Variants in STXBP6 observed in about 807,000 individuals in gnomAD.
The protein encoded by STXBP6 is syntaxin-binding protein 6.
In STXBP6, 21 loss-of-function variants were observed where a neutral mutation model predicts 26.9. The ratio of observed to expected loss-of-function variants is 0.78; its 90% CI spans 0.55 to 1.12. STXBP6 has a LOEUF of 1.12. STXBP6 is among the 50% of genes most tolerant of loss of function. STXBP6 has a pLI of 0.00. For missense variants in STXBP6, 232 were observed against 257.9 expected (o/e 0.90, Z 0.69); for synonymous variants, 97 against 92.6 (o/e 1.05, Z -0.27).
intron 2 of STXBP6, among the ~76,000 whole-genome samples, chr14:24,956,482 C>G (rs1377649378): frequency 6.6e-6 from 1 of 152,118 alleles, no homozygotes; most frequent in Non-Finnish European, 1.5e-5. Flanking sequence ...AACTGGTTTT[C>G]AGAAGTTTCT....
chr14:24,922,172 CT>C (rs2072003285), intron 2 of STXBP6, among the ~76,000 whole-genome samples: 1 of 152,086 alleles, frequency 6.6e-6, no homozygotes, highest in Non-Finnish European at 1.5e-5. Flanking sequence ...CTCTTTCTGC[CT>C]TCTCCCTCAT....
Position 25,049,965 on chromosome 14 carries a change from G to GGGGCTCCGGGCTCC in STXBP6, c.-134_-121dup, listed in dbSNP as rs3081526. ...TCCTCCCCGGGGGGCTGCCCCGCGC[G>GGGGCTCCGGGCTCC]GGGCTCCGGGCTCCGGACAAGGCTT... On this transcript the variant is annotated 5_prime_UTR_variant, in exon 1 of 6. Coordinates refer to ENST00000323944, the MANE Select transcript of STXBP6 (RefSeq NM_001394410.1). This position sits in a 1 kb window ranked among gnomAD's most constrained non-coding sequence, Gnocchi z 5.6. 12 of 725,526 alleles carry GGGGCTCCGGGCTCC rather than the reference G, an allele frequency of 1.7e-5. No individual in the cohort carries two copies. The highest frequency in any genetic ancestry group is 7.0e-4 in the Middle Eastern group (1 of 1,430). 44.9% of individuals were successfully genotyped at this position (725,526 alleles called of 1,614,324 possible).
At chr14:24,840,560 C>A (rs1292243694) in intron 4 of STXBP6, among the ~76,000 whole-genome samples, 2 of 152,190 alleles carry the variant, frequency 1.3e-5, no homozygotes, top group Non-Finnish European at 2.9e-5. Flanking sequence ...GAAGGGATTA[C>A]TGACACACAC....
At chr14:24,987,911 A>G in intron 1 of STXBP6, 1 of 984,474 alleles carries the variant, frequency 1.0e-6, no homozygotes, top group Non-Finnish European at 1.2e-6. Context: ...GCATTGTCCT[A>G]ACGCTGAGGA....
Position 25,025,013 on chromosome 14 carries a change from G to A in STXBP6, c.-33+24865C>T, listed in dbSNP as rs1195375852. 5.9e-5 allele frequency among the ~76,000 whole-genome samples: 9 copies of A among 152,142 alleles called. No individual in the cohort carries two copies. The East Asian group carries it at 1.2e-3, about 20-fold the overall frequency. ...TAATTATTGCACAAACTAATGCAAA[G>A]TAAATGTGTAAGCCTAACAGTTCTA... On this transcript the variant is annotated intron_variant, in intron 1 of 5. Coordinates refer to ENST00000323944, the MANE Select transcript of STXBP6 (RefSeq NM_001394410.1).
At chr14:24,824,512 T>C (rs1312745742) in intron 4 of STXBP6, among the ~76,000 whole-genome samples, 1 of 152,206 alleles carries the variant, frequency 6.6e-6, no homozygotes, top group Admixed American at 6.5e-5. Flanking sequence ...ACAAAGTCCA[T>C]TAATTATCTG....
chr14:24,933,807 C>T (rs550838461), intron 2 of STXBP6, among the ~76,000 whole-genome samples: 1 of 152,140 alleles, frequency 6.6e-6, no homozygotes, highest in Admixed American at 6.5e-5. Flanking sequence ...CAAAATTGGG[C>T]ATGCTTTTTT....
At chr14:24,857,708 G>A (rs779653121) in intron 2 of STXBP6, among the ~76,000 whole-genome samples, 6 of 151,822 alleles carry the variant, frequency 4.0e-5, no homozygotes, top group South Asian at 2.1e-4. Context: ...ATATTGTTCA[G>A]TTTGTATCTA....
At chr14:24,825,318 G>A (rs189766189) in intron 4 of STXBP6, among the ~76,000 whole-genome samples, 10 of 152,310 alleles carry the variant, frequency 6.6e-5, no homozygotes, top group Non-Finnish European at 1.5e-4. Context: ...GACAGGTCAT[G>A]TAATTACATT....
chr14:25,043,808 C>T (rs973491838), intron 1 of STXBP6, among the ~76,000 whole-genome samples: 2 of 152,148 alleles, frequency 1.3e-5, no homozygotes, highest in Non-Finnish European at 2.9e-5. Flanking sequence ...GTTTTCCTTG[C>T]ATGGATGTAC....
At position 24,819,317 on chromosome 14, in the gene STXBP6, G is replaced by C. The variant is rs775589865; in HGVS notation, c.452-123C>G. The C allele has an allele frequency of 2.7e-6, 3 of 1,124,072 alleles. No individual in the cohort carries two copies. The Admixed American group carries it at 5.7e-5, about 21-fold the overall frequency. 69.6% of individuals were successfully genotyped at this position (1,124,072 alleles called of 1,614,324 possible). On this transcript the variant is annotated intron_variant, in intron 4 of 5. Transcript: ENST00000323944. ...ACACTGCAGAAAGGCCGCTCGTCTA[G>C]TGTCTAGGAAACAAGCCGACATTTC...
intron 1 of STXBP6, among the ~76,000 whole-genome samples, chr14:25,011,034 T>C (rs969815121): frequency 3.9e-5 from 6 of 152,170 alleles, no homozygotes; most frequent in African/African-American, 1.2e-4. Context: ...AAATCAGATA[T>C]TGAGACCGTT....
At chr14:24,868,212 C>T (rs1249918426) in intron 2 of STXBP6, among the ~76,000 whole-genome samples, 1 of 152,008 alleles carries the variant, frequency 6.6e-6, no homozygotes, top group Non-Finnish European at 1.5e-5. Flanking sequence ...ACACAAACAA[C>T]AACAAAAATC....
At chr14:25,018,124 G>T (rs781546818) in intron 1 of STXBP6, among the ~76,000 whole-genome samples, 50 of 152,082 alleles carry the variant, frequency 3.3e-4, no homozygotes, top group Non-Finnish European at 2.8e-4. Context: ...TATCACCATT[G>T]TGTTGTACTG....
intron 2 of STXBP6, among the ~76,000 whole-genome samples, chr14:24,882,550 G>A (rs943755074): frequency 6.6e-6 from 1 of 151,948 alleles, no homozygotes; most frequent in Non-Finnish European, 1.5e-5. Flanking sequence ...GCTGCCTTAC[G>A]TGTTTCTAGT....
intron 2 of STXBP6, among the ~76,000 whole-genome samples, chr14:24,916,211 T>C (rs2071759442): frequency 1.3e-5 from 2 of 152,142 alleles, no homozygotes; most frequent in South Asian, 2.1e-4. Flanking sequence ...TTTGCCTAAA[T>C]TGCTATGAGA....
intron 2 of STXBP6, among the ~76,000 whole-genome samples, chr14:24,967,193 A>G (rs1057313460): frequency 6.6e-6 from 1 of 152,176 alleles, no homozygotes; most frequent in African/African-American, 2.4e-5. Flanking sequence ...ACTATTATCT[A>G]CCTCATAGCA....
chr14:24,937,221 G>A (rs2072632684), intron 2 of STXBP6, among the ~76,000 whole-genome samples: 1 of 152,132 alleles, frequency 6.6e-6, no homozygotes, highest in Non-Finnish European at 1.5e-5. Flanking sequence ...AAACCACCAT[G>A]GCACATGTAT....
Position 25,021,728 on chromosome 14 carries a change from C to A in STXBP6, c.-33+28150G>T, listed in dbSNP as rs1426649040. 2.0e-5 allele frequency among the ~76,000 whole-genome samples: 3 copies of A among 152,190 alleles called. No individual in the cohort carries two copies. In the East Asian group the frequency reaches 5.8e-4, roughly 29 times the overall value. Reference sequence around the variant, plus strand: ...CTTCTCCTTACAGACTTGTCCTCTTCTACCTATTATTTAGGGTTTAAGCTT... The same window carrying A: ...CTTCTCCTTACAGACTTGTCCTCTTATACCTATTATTTAGGGTTTAAGCTT... On this transcript the variant is annotated intron_variant, in intron 1 of 5. Coordinates refer to ENST00000323944, the MANE Select transcript of STXBP6 (RefSeq NM_001394410.1).
Sources: gnomAD v4.1 joint callset for allele counts (sites outside exome capture counted in the v4.1 genomes callset) on GRCh38, gnomAD v4.1.1 for gene constraint, Gnocchi (gnomAD v3.1) non-coding constraint, MANE v1.5 for transcripts, NCBI Gene and HGNC (gene_info 2026-07-23, HGNC 2026-07-21) for gene names.